JAK1: variants seen among roughly 807,000 people sequenced by gnomAD.
JAK1 encodes tyrosine-protein kinase JAK1.
Under a neutral mutation model 136.6 loss-of-function variants are expected in JAK1, and 16 were observed. The ratio of observed to expected loss-of-function variants is 0.12; its 90% confidence interval spans 0.08 to 0.18. The LOEUF is 0.18. Among genes scored for constraint, JAK1 ranks in the 10% least tolerant of loss-of-function variants. JAK1 has a pLI of 1.00. For missense variants in JAK1, 859 were observed against 1,450.1 expected, an observed-to-expected ratio of 0.59 and a Z score of 6.62; for synonymous variants, 492 against 519.5, an observed-to-expected ratio of 0.95 and a Z score of 0.72.
intron 2 of JAK1, among the ~76,000 whole-genome samples, chr1:65,012,682 C>T (rs528649340): frequency 3.5e-4 from 53 of 151,858 alleles, no homozygotes; most frequent in Admixed American, 9.2e-4. Context: ...GCCCCAGCTA[C>T]TGGGGAGGCT....
chr1:65,027,940 G>A (rs188727239), intron 2 of JAK1, among the ~76,000 whole-genome samples: 24 of 152,140 alleles, frequency 1.6e-4, no homozygotes, highest in Non-Finnish European at 5.9e-5. Flanking sequence ...TGCGTGGCAC[G>A]CTGCCACAGC....
Position 64,847,690 on chromosome 1 carries a change from A to G in JAK1, c.1756-15T>C. 6.2e-7 allele frequency: 1 copy of G among 1,612,868 alleles called. No homozygotes were observed. Among genetic ancestry groups the G allele is most frequent in the Non-Finnish European group, 8.5e-7 (1 of 1,179,378 alleles). ...AGGTGCTCGCCCTGAGGGAAGAAGC[A>G]GAAGGCTGGGTGACCTCTCTGTGCC... On this transcript the variant is annotated splice_polypyrimidine_tract_variant and intron_variant, in intron 12 of 24. Coordinates refer to ENST00000342505, the MANE Select transcript of JAK1 (RefSeq NM_002227.4).
At chr1:64,951,175 TC>T (rs1381567002) in intron 1 of JAK1, among the ~76,000 whole-genome samples, 2 of 152,160 alleles carry the variant, frequency 1.3e-5, no homozygotes, top group Non-Finnish European at 2.9e-5. Context: ...AAGAAGAAAT[TC>T]GTTTGACTGC....
At chr1:64,965,698 G>A (rs1276673671) in intron 1 of JAK1, among the ~76,000 whole-genome samples, 1 of 152,048 alleles carries the variant, frequency 6.6e-6, no homozygotes, top group Admixed American at 6.6e-5. Context: ...TGGTCCTCTC[G>A]CCCAGGGTCT....
At chr1:65,036,852 G>C (rs2100826081) in intron 2 of JAK1, among the ~76,000 whole-genome samples, 1 of 152,304 alleles carries the variant, frequency 6.6e-6, no homozygotes, top group South Asian at 2.1e-4. Context: ...TGCATAACTA[G>C]AGTAATTACA....
At chr1:64,883,524 G>T (rs772719858) in intron 2 of JAK1, 49 bp from the exon 3 acceptor site, 1 of 1,517,644 alleles carries the variant, frequency 6.6e-7, no homozygotes, top group Non-Finnish European at 9.1e-7. Context: ...TGTGCTAAAA[G>T]TTCTTATGGC....
chr1:64,895,531 T>C (rs1426003424), intron 1 of JAK1, among the ~76,000 whole-genome samples: 1 of 152,218 alleles, frequency 6.6e-6, no homozygotes, highest in Non-Finnish European at 1.5e-5. Context: ...TATGAAACAG[T>C]GAGACATATT....
At chr1:64,892,751 CGTTCCCA>C (rs1644958616) in intron 1 of JAK1, among the ~76,000 whole-genome samples, 1 of 152,212 alleles carries the variant, frequency 6.6e-6, no homozygotes, top group Non-Finnish European at 1.5e-5. Flanking sequence ...TCGGCTAAGG[CGTTCCCA>C]CAGTCAACTG....
intron 6 of JAK1, 33 bp from the exon 7 acceptor site, chr1:64,867,241 C>A: frequency 6.8e-7 from 1 of 1,466,940 alleles, no homozygotes; most frequent in South Asian, 1.2e-5. Flanking sequence ...ATCTCCTTTT[C>A]ATGTACAGGT....
At chr1:64,906,472 T>C (rs1191133035) in intron 1 of JAK1, among the ~76,000 whole-genome samples, 3 of 152,078 alleles carry the variant, frequency 2.0e-5, no homozygotes, top group African/African-American at 7.2e-5. Flanking sequence ...ATTCACCATG[T>C]TGTAGAAGCA....
chr1:65,033,606 A>G (rs1364397338), intron 2 of JAK1, among the ~76,000 whole-genome samples: 2 of 151,728 alleles, frequency 1.3e-5, no homozygotes, highest in African/African-American at 2.4e-5. Flanking sequence ...AACATTGCCC[A>G]TTTGGGTGAA....
intron 2 of JAK1, among the ~76,000 whole-genome samples, chr1:64,885,778 A>C (rs1644843204): frequency 6.6e-6 from 1 of 152,100 alleles, no homozygotes; most frequent in Non-Finnish European, 1.5e-5. Context: ...ATAAGAAAAA[A>C]ATCCAACTGA....
chr1:64,950,268 C>T (rs10889511), intron 1 of JAK1, among the ~76,000 whole-genome samples: 90,102 of 151,724 alleles, frequency 0.59, 29,543 homozygotes, highest in Middle Eastern at 0.82. Flanking sequence ...ATTAGCCTGG[C>T]GTGGTGGCGG....
intron 1 of JAK1, among the ~76,000 whole-genome samples, chr1:64,923,054 A>G (rs1043957492): frequency 7.9e-5 from 12 of 152,216 alleles, no homozygotes; most frequent in African/African-American, 2.4e-4. Flanking sequence ...GTGGATAATA[A>G]TAACTTGGAA....
Position 64,924,847 on chromosome 1 carries a change from G to A in JAK1, c.-77-38506C>T, listed in dbSNP as rs141528697. On this transcript the variant is annotated intron_variant, in intron 1 of 24. Transcript: ENST00000342505. ...CAGCAAATACACATGGTCAGCAGGG[G>A]CTGAACAGGCAAAGCACAGAGGATT... Among the ~76,000 whole-genome samples, 230 of 152,258 alleles carry A rather than the reference G, an allele frequency of 1.5e-3. 3 individuals carry two copies. The highest frequency in any genetic ancestry group is 5.2e-3 in the African/African-American group (215 of 41,536).
At chr1:64,921,915 T>C (rs144005798) in intron 1 of JAK1, among the ~76,000 whole-genome samples, 104 of 152,018 alleles carry the variant, frequency 6.8e-4, no homozygotes, top group Non-Finnish European at 1.1e-3. Context: ...ATACCAGCTA[T>C]AGCATGACTT....
intron 2 of JAK1, chr1:64,989,486 T>A (rs1410116575): frequency 2.6e-5 from 4 of 152,044 alleles, no homozygotes; most frequent in African/African-American, 9.6e-5. Context: ...GGGAGTGGGG[T>A]CCCTGGTTCT....
In JAK1 at chr1:64,839,140, C is replaced by T. The variant is rs548979334; in HGVS notation, c.2842+463G>A. On this transcript the variant is annotated intron_variant, in intron 20 of 24. Transcript: ENST00000342505. ...CAGCCTGGGCCACAGAGCGAGACTC[C>T]GTCTCAAAAAAAAAAAAAAAAAAAA... Among the ~76,000 whole-genome samples, 8 of 112,034 alleles carry T rather than the reference C, an allele frequency of 7.1e-5. No individual in the cohort carries two copies. The South Asian group carries it at 8.8e-4, about 12-fold the overall frequency. The allele number at this position is 112,034 out of a possible 152,430, so 73.5% of individuals were successfully genotyped here.
intron 1 of JAK1, among the ~76,000 whole-genome samples, chr1:64,915,093 T>C (rs775969797): frequency 4.4e-4 from 67 of 152,178 alleles, no homozygotes; most frequent in Non-Finnish European, 7.5e-4. Flanking sequence ...ACCACATATA[T>C]ACCTTATAGG....
Sources: allele counts gnomAD v4.1 joint callset (sites outside exome capture counted in the v4.1 genomes callset), GRCh38; gene constraint gnomAD v4.1.1; transcripts MANE v1.5; gene names NCBI Gene and HGNC (gene_info 2026-07-23, HGNC 2026-07-21).